The following LHFPL3 variants were observed in gnomAD, a reference collection of about 807,000 sequenced individuals.
The protein encoded by LHFPL3 is LHFPL tetraspan subfamily member 3.
A neutral mutation model predicts 19.3 loss-of-function variants in LHFPL3; 5 were observed. The observed-to-expected ratio is 0.26, with a 90% confidence interval of 0.14 to 0.54. LHFPL3 has a LOEUF of 0.54. Among genes scored for constraint, LHFPL3 ranks in the 20% least tolerant of loss-of-function variants. The pLI is 0.94. For missense variants in LHFPL3, 249 were observed against 307.4 expected (o/e 0.81, Z 1.42); for synonymous variants, 133 against 126.2 (o/e 1.05, Z -0.36).
chr7:104,903,379 C>T (rs1005427968), intron 2 of LHFPL3, among the ~76,000 whole-genome samples: 3 of 151,916 alleles, frequency 2.0e-5, no homozygotes, highest in Non-Finnish European at 4.4e-5. Flanking sequence ...AAAATGAGGA[C>T]TACCCTCCTG....
chr7:104,453,618 G>A (rs1008904515), intron 1 of LHFPL3, among the ~76,000 whole-genome samples: 4 of 152,262 alleles, frequency 2.6e-5, no homozygotes, highest in African/African-American at 9.6e-5. Context: ...TGTTGATATA[G>A]TTTGGAAATT....
At chr7:104,830,717 G>T (rs1790935100) in intron 2 of LHFPL3, among the ~76,000 whole-genome samples, 1 of 151,896 alleles carries the variant, frequency 6.6e-6, no homozygotes, top group South Asian at 2.1e-4. Flanking sequence ...CCAGTACCAT[G>T]CTGTTTTGGT....
intron 2 of LHFPL3, among the ~76,000 whole-genome samples, chr7:104,755,706 T>G (rs1168091448): frequency 2.0e-5 from 3 of 152,140 alleles, no homozygotes; most frequent in African/African-American, 7.2e-5. Flanking sequence ...GTTTGTTTGT[T>G]TGTTTTGAGA....
intron 1 of LHFPL3, among the ~76,000 whole-genome samples, chr7:104,627,891 G>C (rs1173338968): frequency 1.3e-5 from 2 of 152,218 alleles, no homozygotes; most frequent in Non-Finnish European, 2.9e-5. Context: ...ATGTGGTATT[G>C]TAGGTAGAAA....
At chr7:104,390,518 C>T (rs897815488) in intron 1 of LHFPL3, among the ~76,000 whole-genome samples, 1 of 152,122 alleles carries the variant, frequency 6.6e-6, no homozygotes, top group Non-Finnish European at 1.5e-5. Flanking sequence ...TGAATTCATC[C>T]TTTTTTAAGG....
chr7:104,425,361 C>G (rs1030255755), intron 1 of LHFPL3, among the ~76,000 whole-genome samples: 1 of 129,100 alleles, frequency 7.7e-6, no homozygotes, highest in South Asian at 2.3e-4. Flanking sequence ...GTTGACCTCT[C>G]TGAGTCTGTT....
At chr7:104,819,866 C>T (rs542351615) in intron 2 of LHFPL3, among the ~76,000 whole-genome samples, 5 of 152,296 alleles carry the variant, frequency 3.3e-5, no homozygotes, top group African/African-American at 1.2e-4. Context: ...ACACACATGG[C>T]TGTGTAAAGA....
At chr7:104,391,044 T>G (rs1791055858) in intron 1 of LHFPL3, among the ~76,000 whole-genome samples, 3 of 152,234 alleles carry the variant, frequency 2.0e-5, no homozygotes, top group Admixed American at 2.0e-4. Context: ...TGTTTTTTTC[T>G]TGTAAATTTG....
chr7:104,674,823 A>C (rs956149606), intron 1 of LHFPL3, among the ~76,000 whole-genome samples: 4 of 152,252 alleles, frequency 2.6e-5, no homozygotes, highest in Non-Finnish European at 4.4e-5. Context: ...ATTTCCAACA[A>C]AGAGTAAACA....
At chr7:104,688,109 A>G (rs1792840715) in intron 1 of LHFPL3, among the ~76,000 whole-genome samples, 1 of 152,238 alleles carries the variant, frequency 6.6e-6, no homozygotes, top group African/African-American at 2.4e-5. Context: ...TTCACCATTC[A>G]TGAGAGGCAA....
chr7:104,508,591 CTAAAACT>C (rs1793746889), intron 1 of LHFPL3, among the ~76,000 whole-genome samples: 2 of 139,138 alleles, frequency 1.4e-5, no homozygotes, highest in South Asian at 4.4e-4. Context: ...CACATGTACC[CTAAAACT>C]TAAAGTATAA....
intron 1 of LHFPL3, among the ~76,000 whole-genome samples, chr7:104,573,269 C>T (rs985776748): frequency 2.6e-5 from 4 of 151,792 alleles, no homozygotes; most frequent in African/African-American, 7.3e-5. Flanking sequence ...AAAAATTAGC[C>T]GGCATAGTGG....
intron 2 of LHFPL3, among the ~76,000 whole-genome samples, chr7:104,849,313 T>A (rs1056851253): frequency 3.9e-5 from 6 of 152,238 alleles, no homozygotes; most frequent in African/African-American, 1.4e-4. Flanking sequence ...CAGGCCTTCA[T>A]GTCTTGCCAT....
At chr7:104,365,064 C>T (rs1185597248) in intron 1 of LHFPL3, among the ~76,000 whole-genome samples, 1 of 152,058 alleles carries the variant, frequency 6.6e-6, no homozygotes, top group East Asian at 1.9e-4. Flanking sequence ...CTTTGGGAGG[C>T]CAAAGCAGGC....
intron 2 of LHFPL3, among the ~76,000 whole-genome samples, chr7:104,757,220 A>C (rs1794302169): frequency 6.6e-6 from 1 of 152,248 alleles, no homozygotes; most frequent in Non-Finnish European, 1.5e-5. Flanking sequence ...AGGTGGATTA[A>C]AGATTTAATT....
chr7:104,676,176 T>A (rs532554142), intron 1 of LHFPL3, among the ~76,000 whole-genome samples: 1 of 152,368 alleles, frequency 6.6e-6, no homozygotes, highest in East Asian at 1.9e-4. Flanking sequence ...ATTGCTTTTA[T>A]GCTCACCTAG....
chr7:104,665,413 T>G (rs1469731782), intron 1 of LHFPL3, among the ~76,000 whole-genome samples: 1 of 152,218 alleles, frequency 6.6e-6, no homozygotes, highest in Non-Finnish European at 1.5e-5. Context: ...AGGTTCTAAT[T>G]GTAATAGTCC....
chr7:104,906,215 A>G lies in LHFPL3; in HGVS notation c.711A>G (p.Ter237TrpextTer9). 6.2e-7 allele frequency: 1 copy of G among 1,609,060 alleles called. No homozygotes were observed. Among genetic ancestry groups the G allele is most frequent in the Non-Finnish European group, 8.5e-7 (1 of 1,177,540 alleles). ...TGCTAAGCCAATATTCTCTAGAATG[A>G]GCACAAAACAAATCGAATAACAGCT... ...KVLLSQYSLE[*>W] The change falls in exon 3 of 3, where the codon TGA becomes TGG. Residue 237 changes from the stop codon to tryptophan (W), a stop_lost. Transcript: ENST00000424859.
At chr7:104,456,697 G>C (rs1792548126) in intron 1 of LHFPL3, among the ~76,000 whole-genome samples, 1 of 152,022 alleles carries the variant, frequency 6.6e-6, no homozygotes, top group Non-Finnish European at 1.5e-5. Flanking sequence ...TTGTACTTTG[G>C]TGCCCTAAAT....
Sources: gnomAD v4.1 joint callset for allele counts (sites outside exome capture counted in the v4.1 genomes callset) on GRCh38, gnomAD v4.1.1 for gene constraint, MANE v1.5 for transcripts, NCBI Gene and HGNC (gene_info 2026-07-23, HGNC 2026-07-21) for gene names.